The following POU2F3 variants were observed in gnomAD, a reference collection of about 807,000 sequenced individuals.
POU2F3 encodes POU domain, class 2, transcription factor 3.
Under a neutral mutation model 59.2 loss-of-function variants are expected in POU2F3, and 23 were observed. The observed-to-expected ratio is 0.39, with a 90% confidence interval of 0.28 to 0.55. POU2F3 has a LOEUF of 0.55. Among genes scored for constraint, POU2F3 ranks in the 20% least tolerant of loss-of-function variants. The pLI, the probability that POU2F3 is intolerant of heterozygous loss-of-function variation, is 0.66. For synonymous variants in POU2F3, 190 were observed against 214.6 expected, an observed-to-expected ratio of 0.89 and a Z score of 1.00; for missense variants, 473 against 544.5, an observed-to-expected ratio of 0.87 and a Z score of 1.31.
intron 3 of POU2F3, among the ~76,000 whole-genome samples, chr11:120,294,636 T>C (rs7928963): frequency 8.3e-4 from 126 of 152,364 alleles, no homozygotes; most frequent in African/African-American, 2.9e-3. Flanking sequence ...AAGGGATTTT[T>C]GTAAATTCAG....
rs974492765 is a variant in POU2F3 at position 120,284,733 on chromosome 11, C to G, written c.133-13532C>G. Among the ~76,000 whole-genome samples the G allele has an allele frequency of 3.9e-5, 6 of 152,340 alleles. No individual in the cohort carries two copies. In the South Asian group the frequency reaches 1.2e-3, roughly 32 times the overall value. On this transcript the variant is annotated intron_variant, in intron 3 of 12. Transcript: ENST00000543440. ...GGACATCCAGTGACACATGACATCACTGTAACATTATTTTTCATAAACTGT... is the reference window on the plus strand; with the variant it reads ...GGACATCCAGTGACACATGACATCAGTGTAACATTATTTTTCATAAACTGT...
At chr11:120,291,363 A>G (rs569045840) in intron 3 of POU2F3, among the ~76,000 whole-genome samples, 33 of 152,356 alleles carry the variant, frequency 2.2e-4, no homozygotes, top group Admixed American at 3.9e-4. Context: ...CTTGGTCTTT[A>G]GGACTAACTT....
At chr11:120,255,265 C>CT (rs1363906397) in intron 2 of POU2F3, among the ~76,000 whole-genome samples, 1 of 152,168 alleles carries the variant, frequency 6.6e-6, no homozygotes, top group Non-Finnish European at 1.5e-5. Flanking sequence ...CTGGACCCCA[C>CT]TGGGCACCTC....
At chr11:120,298,220 T>C (rs1345296026) in intron 3 of POU2F3, 45 bp from the exon 4 acceptor site, 7 of 1,574,438 alleles carry the variant, frequency 4.4e-6, no homozygotes, top group Non-Finnish European at 6.0e-6. Context: ...TCTGACTGCC[T>C]GACGGGATCC....
chr11:120,236,856 C>T (rs565848280), upstream of POU2F3: 2,291 of 726,222 alleles, frequency 3.2e-3, 10 homozygotes, highest in Admixed American at 4.3e-3. Context: ...CCTTCTAAGC[C>T]TCAGGGCACA....
chr11:120,302,128 G>C lies in POU2F3; in HGVS notation c.362-158G>C, dbSNP rs143237012. On this transcript the variant is annotated intron_variant, in intron 5 of 12. Coordinates refer to ENST00000543440, the MANE Select transcript of POU2F3 (RefSeq NM_014352.4). ...CCTGTATGTGGCAATGCCTGGCAGT[G>C]CTAGGAGGGCCTCTCCATGGGACTT... The C allele has an allele frequency of 3.4e-3, 2,116 of 622,074 alleles. 22 individuals are homozygous for C. The highest frequency in any genetic ancestry group is 0.029 in the African/African-American group (1,550 of 54,358). The allele number at this position is 622,074 out of a possible 1,614,324, so 38.5% of individuals were successfully genotyped here.
At chr11:120,251,234 A>G (rs1202288116) in intron 2 of POU2F3, among the ~76,000 whole-genome samples, 2 of 152,176 alleles carry the variant, frequency 1.3e-5, no homozygotes, top group African/African-American at 4.8e-5. Flanking sequence ...ATGGCCTCCC[A>G]AAGTTCTGAG....
chr11:120,268,083 T>C (rs1203318487), intron 2 of POU2F3, among the ~76,000 whole-genome samples: 2 of 152,076 alleles, frequency 1.3e-5, no homozygotes, highest in East Asian at 3.9e-4. Flanking sequence ...TATGTAACCA[T>C]TAAAAATGAT....
At chr11:120,299,825 G>A (rs746625527) in intron 5 of POU2F3, 99 bp downstream of exon 5, 32 of 971,106 alleles carry the variant, frequency 3.3e-5, no homozygotes, top group East Asian at 2.1e-4. Context: ...GAGAGCATGC[G>A]TCAGTCAGTC....
intron 3 of POU2F3, among the ~76,000 whole-genome samples, chr11:120,277,790 A>G (rs979357189): frequency 6.6e-6 from 1 of 152,242 alleles, no homozygotes; most frequent in Non-Finnish European, 1.5e-5. Context: ...AAAAAAGAAA[A>G]AACAGATATA....
At chr11:120,240,403 T>A in intron 1 of POU2F3, 32 bp downstream of exon 1, 1 of 1,380,850 alleles carries the variant, frequency 7.2e-7, no homozygotes, top group Non-Finnish European at 9.5e-7. Context: ...CTCTGACAGG[T>A]GTCACTGCGC....
intron 3 of POU2F3, among the ~76,000 whole-genome samples, chr11:120,281,808 T>G (rs1940581674): frequency 6.6e-6 from 1 of 152,154 alleles, no homozygotes; most frequent in African/African-American, 2.4e-5. Context: ...CAACACAATC[T>G]GTGTAACCTG....
At position 120,299,734 on chromosome 11, in the gene POU2F3, C is replaced by CCCA. The variant is rs762923752; in HGVS notation, c.361+10_361+11insACC. On this transcript the variant is annotated intron_variant, in intron 5 of 12. Coordinates refer to ENST00000543440, the MANE Select transcript of POU2F3 (RefSeq NM_014352.4). ...CCCAGCCTGGGCAGCAAGGTAAGAA[C>CCCA]CCTGGGGGTTTCCACCTAGACCAAG... 14 of 1,607,310 alleles carry CCCA rather than the reference C, an allele frequency of 8.7e-6. No individual in the cohort carries two copies. The highest frequency in any genetic ancestry group is 1.7e-4 in the Middle Eastern group (1 of 6,028).
chr11:120,284,930 G>A (rs547815853), intron 3 of POU2F3, among the ~76,000 whole-genome samples: 18 of 152,244 alleles, frequency 1.2e-4, no homozygotes, highest in South Asian at 4.1e-4. Context: ...GTGTTGACAC[G>A]TTTGTTTATT....
intron 6 of POU2F3, chr11:120,303,502 G>C (rs1214466104): frequency 6.6e-6 from 1 of 152,304 alleles, no homozygotes; most frequent in African/African-American, 2.4e-5. Flanking sequence ...AGTGCAGTTT[G>C]CCAGTGGATT....
At position 120,299,568 on chromosome 11, in the gene POU2F3, G is replaced by T. The variant is rs1591433201; in HGVS notation, c.259-56G>T. The stretch of plus-strand genomic sequence containing the variant: ...GGACGGACGAGTGGCAGGCAGATGG[G>T]GCTGATGTCCCCAGCTTGTAAATTC... On this transcript the variant is annotated intron_variant, in intron 4 of 12. Transcript: ENST00000543440. The T allele has an allele frequency of 2.0e-6, 3 of 1,518,872 alleles. No homozygotes were observed. In the East Asian group the frequency reaches 6.8e-5, roughly 34 times the overall value. The allele number at this position is 1,518,872 out of a possible 1,614,324, so 94.1% of individuals were successfully genotyped here. A position where few individuals can be genotyped will look rare whatever the true frequency, so the allele number is the denominator to read the frequency against.
chr11:120,283,772 CGTGTGTGTGTGTGTGTGTGT>C (rs36099803), intron 3 of POU2F3, among the ~76,000 whole-genome samples: 10,178 of 130,436 alleles, frequency 0.078, 413 homozygotes, highest in South Asian at 0.13. Flanking sequence ...TAATAGGCTT[CGTGTGTGTGTGTGTGTGTGT>C]GTGTGTGTGT....
At chr11:120,313,873 G>T (rs577854439) in intron 10 of POU2F3, among the ~76,000 whole-genome samples, 65 of 152,298 alleles carry the variant, frequency 4.3e-4, no homozygotes, top group African/African-American at 1.5e-3. Flanking sequence ...AATTAGCTGG[G>T]CATGGTGGCA....
chr11:120,273,743 C>T (rs1940180109), intron 3 of POU2F3, among the ~76,000 whole-genome samples: 1 of 152,152 alleles, frequency 6.6e-6, no homozygotes, highest in South Asian at 2.1e-4. Context: ...AGGCCAGGCG[C>T]AGTGGCTCAT....
Sources: gnomAD v4.1 joint callset for allele counts (sites outside exome capture counted in the v4.1 genomes callset) on GRCh38, gnomAD v4.1.1 for gene constraint, MANE v1.5 for transcripts, NCBI Gene and HGNC (gene_info 2026-07-23, HGNC 2026-07-21) for gene names.